PLEKHF2: variants seen among roughly 807,000 people sequenced by gnomAD.
PLEKHF2 encodes the protein pleckstrin homology and FYVE domain containing 2, also known as pleckstrin homology domain-containing family F member 2.
In PLEKHF2, 4 loss-of-function variants were observed where a neutral mutation model predicts 14.7. The observed-to-expected ratio is 0.27, with a 90% CI of 0.13 to 0.62. PLEKHF2 has a LOEUF of 0.62. Ranked by LOEUF, PLEKHF2 falls within the 20% of genes least tolerant of loss-of-function variation. The pLI is 0.85. For synonymous variants in PLEKHF2, 90 were observed against 103.5 expected (o/e 0.87, Z 0.79); for missense variants, 201 against 307.7 (o/e 0.65, Z 2.60).
rs34933744 is a variant in PLEKHF2 at position 95,146,215 on chromosome 8, T to TAA, written c.-14-7808_-14-7807dup. Reference sequence around the variant, plus strand: ...TAAAAATTATTTATGTTTTCTTCTTTAAAAAAAAAGGTAAGTAATTTGTAT... The same window carrying TAA: ...TAAAAATTATTTATGTTTTCTTCTTTAAAAAAAAAAAGGTAAGTAATTTGTAT... On this transcript the variant is annotated intron_variant, in intron 1 of 1. Coordinates refer to ENST00000315367, the MANE Select transcript of PLEKHF2 (RefSeq NM_024613.4). 2.0e-5 allele frequency among the ~76,000 whole-genome samples: 3 copies of TAA among 151,140 alleles called. No individual in the cohort carries two copies. In the South Asian group the frequency reaches 6.3e-4, roughly 32 times the overall value.
Position 95,154,667 on chromosome 8 carries a change from A to G in PLEKHF2, c.623A>G (p.Tyr208Cys), listed in dbSNP as rs1810595267. The change falls in exon 2 of 2, where the codon TAT becomes TGT. Residue 208 changes from tyrosine to cysteine, a missense_variant. By Grantham distance (194) the Tyr-to-Cys change is radical (BLOSUM62 -2). Transcript: ENST00000315367. The surrounding 1 kb of genome is among the most constrained non-coding windows in gnomAD (Gnocchi z 5.6). ...SKPVRICDFC[Y>C]DLLSAGDMAT... ...CCTGTGCGGATTTGTGACTTCTGCT[A>G]TGACCTGCTTTCTGCTGGGGACATG... 6.2e-7 allele frequency: 1 copy of G among 1,614,076 alleles called. No homozygotes were observed. The highest frequency in any genetic ancestry group is 1.3e-5 in the African/African-American group (1 of 74,938).
Position 95,156,146 on chromosome 8 carries a change from ACTC to A in PLEKHF2, c.*1353_*1355del, listed in dbSNP as rs1810616635. The A allele has an allele frequency of 6.0e-6, 1 of 167,042 alleles. No individual in the cohort carries two copies. Among genetic ancestry groups the A allele is most frequent in the Admixed American group, 6.6e-5 (1 of 15,262 alleles). 10.3% of individuals were successfully genotyped at this position (167,042 alleles called of 1,614,324 possible). A position where few individuals can be genotyped will look rare whatever the true frequency, so the allele number is the denominator to read the frequency against. On this transcript the variant is annotated 3_prime_UTR_variant, in exon 2 of 2. Transcript: ENST00000315367. ...TATAAAACTTGATGCGTTTTGCACT[ACTC>A]TTTCCATTTATATGCTGCAAACAAC...
At position 95,154,677 on chromosome 8, in the gene PLEKHF2, T is replaced by C. The variant is rs776264895; in HGVS notation, c.633T>C (p.Leu211=). The stretch of plus-strand genomic sequence containing the variant: ...TTTGTGACTTCTGCTATGACCTGCT[T>C]TCTGCTGGGGACATGGCCACATGCC... ...VRICDFCYDL[L]SAGDMATCQP... is the part of the protein sequence containing the mutation. The change falls in exon 2 of 2, where the codon CTT becomes CTC. Residue 211 remains leucine (L), a synonymous_variant. Transcript: ENST00000315367. This position sits in a 1 kb window ranked among gnomAD's most constrained non-coding sequence, Gnocchi z 5.6. 1.5e-5 allele frequency: 25 copies of C among 1,614,190 alleles called. No homozygotes were observed. The South Asian group carries it at 2.7e-4, about 18-fold the overall frequency.
chr8:95,152,852 GTC>G (rs1810577316), intron 1 of PLEKHF2, among the ~76,000 whole-genome samples: 1 of 152,126 alleles, frequency 6.6e-6, no homozygotes, highest in East Asian at 1.9e-4. Context: ...TATGCTGTTA[GTC>G]TTTAAACTTT....
chr8:95,148,381 A>T (rs767088596), intron 1 of PLEKHF2, among the ~76,000 whole-genome samples: 2 of 152,068 alleles, frequency 1.3e-5, no homozygotes, highest in Non-Finnish European at 2.9e-5. Context: ...GAGAAGCACT[A>T]TTCTAAGTAG....
chr8:95,136,331 TATACACACACACACACAC>T (rs1356422771), intron 1 of PLEKHF2, among the ~76,000 whole-genome samples: 55 of 107,828 alleles, frequency 5.1e-4, no homozygotes, highest in African/African-American at 2.1e-3. Context: ...TTTTATTATA[TATACACACACACACACAC>T]ACACACACAC....
At chr8:95,153,395 G>A (rs1810582224) in intron 1 of PLEKHF2, among the ~76,000 whole-genome samples, 1 of 152,174 alleles carries the variant, frequency 6.6e-6, no homozygotes. Context: ...GACTTATGGT[G>A]AGGTTGGAGT....
intron 1 of PLEKHF2, among the ~76,000 whole-genome samples, chr8:95,136,375 T>TAG (rs1563880835): frequency 1.5e-4 from 21 of 137,998 alleles, no homozygotes; most frequent in African/African-American, 5.8e-4. Flanking sequence ...CACACACACA[T>TAG]GTTTTGTTGT....
At chr8:95,147,968 G>C (rs1810517481) in intron 1 of PLEKHF2, among the ~76,000 whole-genome samples, 1 of 151,896 alleles carries the variant, frequency 6.6e-6, no homozygotes, top group African/African-American at 2.4e-5. Flanking sequence ...AATTGTATAA[G>C]TGAAACCTTA....
At chr8:95,145,614 C>T (rs201946875) in intron 1 of PLEKHF2, among the ~76,000 whole-genome samples, 1 of 151,896 alleles carries the variant, frequency 6.6e-6, no homozygotes, top group African/African-American at 2.4e-5. Context: ...TTAGTAGAGA[C>T]GGGGTTTCAC....
At chr8:95,145,918 G>A (rs116267298) in intron 1 of PLEKHF2, among the ~76,000 whole-genome samples, 1 of 152,272 alleles carries the variant, frequency 6.6e-6, no homozygotes, top group African/African-American at 2.4e-5. Context: ...TTGCTTTACT[G>A]TTATACATTT....
intron 1 of PLEKHF2, among the ~76,000 whole-genome samples, chr8:95,136,680 G>T (rs1437174217): frequency 6.6e-6 from 1 of 152,160 alleles, no homozygotes; most frequent in Admixed American, 6.5e-5. Context: ...TGCCGGAATT[G>T]TCTTAGAATT....
chr8:95,155,568 A>T lies in PLEKHF2; in HGVS notation c.*774A>T, dbSNP rs997180263. ...ATATTTTAAATTAATAAAAGTTGTC[A>T]TTCTTAGGAATTTGGTTTGAAATTT... On this transcript the variant is annotated 3_prime_UTR_variant, in exon 2 of 2. Transcript: ENST00000315367. The T allele has an allele frequency of 6.0e-6, 1 of 167,042 alleles. No homozygotes were observed. Among genetic ancestry groups the T allele is most frequent in the Non-Finnish European group, 1.5e-5 (1 of 68,084 alleles). The allele number at this position is 167,042 out of a possible 1,614,324, so 10.3% of individuals were successfully genotyped here.
intron 1 of PLEKHF2, among the ~76,000 whole-genome samples, chr8:95,138,930 ATTG>A (rs1399330379): frequency 4.6e-5 from 7 of 152,232 alleles, no homozygotes; most frequent in African/African-American, 1.7e-4. Flanking sequence ...TGGAAATAGA[ATTG>A]TTGTATAAAC....
intron 1 of PLEKHF2, among the ~76,000 whole-genome samples, chr8:95,151,207 A>G (rs1450670039): frequency 6.6e-6 from 1 of 152,154 alleles, no homozygotes; most frequent in Non-Finnish European, 1.5e-5. Context: ...TCAAATCAGA[A>G]AATAATATGA....
chr8:95,143,093 C>CTTTT (rs35086823), intron 1 of PLEKHF2, among the ~76,000 whole-genome samples: 11 of 141,038 alleles, frequency 7.8e-5, no homozygotes, highest in Non-Finnish European at 4.6e-5. Flanking sequence ...AGGAAATAAT[C>CTTTT]TTTTTTTTTT....
At chr8:95,139,136 A>G (rs1810411790) in intron 1 of PLEKHF2, among the ~76,000 whole-genome samples, 2 of 152,128 alleles carry the variant, frequency 1.3e-5, no homozygotes, top group South Asian at 4.1e-4. Context: ...TTTTTTTAAA[A>G]TTGACATTTG....
Position 95,154,981 on chromosome 8 carries a change from C to G in PLEKHF2, c.*187C>G. Reference sequence around the variant, plus strand: ...CCTGCCTTCTCCCACTCCTCACACTCTTCTACAGGGATAGGCTTTTGCAAA... The same window carrying G: ...CCTGCCTTCTCCCACTCCTCACACTGTTCTACAGGGATAGGCTTTTGCAAA... On this transcript the variant is annotated 3_prime_UTR_variant, in exon 2 of 2. Coordinates refer to ENST00000315367, the MANE Select transcript of PLEKHF2 (RefSeq NM_024613.4). This position sits in a 1 kb window ranked among gnomAD's most constrained non-coding sequence, Gnocchi z 5.6. 1 of 619,568 alleles carries G rather than the reference C, an allele frequency of 1.6e-6. No individual in the cohort carries two copies. Among genetic ancestry groups the G allele is most frequent in the Non-Finnish European group, 2.8e-6 (1 of 357,230 alleles). The allele number at this position is 619,568 out of a possible 1,614,324, so 38.4% of individuals were successfully genotyped here.
intron 1 of PLEKHF2, among the ~76,000 whole-genome samples, chr8:95,137,460 T>TA (rs1318672992): frequency 6.6e-6 from 1 of 152,224 alleles, no homozygotes; most frequent in Non-Finnish European, 1.5e-5. Context: ...AAATCAGAAT[T>TA]ACTGGGTTTG....
Sources: gnomAD v4.1 joint callset for allele counts (sites outside exome capture counted in the v4.1 genomes callset) on GRCh38, gnomAD v4.1.1 for gene constraint, Gnocchi (gnomAD v3.1) non-coding constraint, MANE v1.5 for transcripts, NCBI Gene and HGNC (gene_info 2026-07-23, HGNC 2026-07-21) for gene names.